CIMAP1D: variants seen among roughly 807,000 people sequenced by gnomAD.
CIMAP1D encodes the protein CIMAP1 family member D, also known as protein CIMAP1D.
the CIMAP1D span, among the ~76,000 whole-genome samples, chr19:479,217 T>C: frequency 6.6e-6 from 1 of 152,160 alleles, no homozygotes; most frequent in Non-Finnish European, 1.5e-5. Context: ...AAATGTTTCC[T>C]ACGATTAGGC....
chr19:469,417 C>T, the CIMAP1D span, among the ~76,000 whole-genome samples: 20,104 of 152,092 alleles, frequency 0.13, 3,057 homozygotes, highest in African/African-American at 0.37. Context: ...TGGCTGGGTG[C>T]GGTGGCTCAC....
At chr19:481,788 T>C in the CIMAP1D span, among the ~76,000 whole-genome samples, 1,435 of 150,978 alleles carry the variant, frequency 9.5e-3, 25 homozygotes, top group African/African-American at 0.033. Context: ...TTTTTTTTTT[T>C]TTTGAGACAA....
the CIMAP1D span, among the ~76,000 whole-genome samples, chr19:486,895 C>CA: frequency 6.6e-6 from 1 of 151,906 alleles, no homozygotes; most frequent in Admixed American, 6.6e-5. Flanking sequence ...GCCTGGGCGA[C>CA]AGAGCAAGAC....
the CIMAP1D span, among the ~76,000 whole-genome samples, chr19:491,453 C>G: frequency 6.6e-6 from 1 of 152,150 alleles, no homozygotes; most frequent in African/African-American, 2.4e-5. Flanking sequence ...TCGGGAGAGG[C>G]CTGTGCGGCT....
the CIMAP1D span, chr19:472,320 G>C: frequency 1.2e-6 from 1 of 866,344 alleles, no homozygotes; most frequent in Non-Finnish European, 1.7e-6. Context: ...TAAGGGGTAA[G>C]GAGACCCATC....
chr19:486,466 A>G, the CIMAP1D span, among the ~76,000 whole-genome samples: 9 of 151,894 alleles, frequency 5.9e-5, no homozygotes, highest in East Asian at 1.8e-3. Flanking sequence ...TCTGAGATGG[A>G]GTCTTGCTCT....
chr19:477,496 C>T, the CIMAP1D span, among the ~76,000 whole-genome samples: 10 of 149,558 alleles, frequency 6.7e-5, no homozygotes, highest in Admixed American at 5.9e-4. Context: ...CTCGCTTGAA[C>T]CCGCTTGAAC....
chr19:484,139 C>CTTT, the CIMAP1D span, among the ~76,000 whole-genome samples: 38 of 129,442 alleles, frequency 2.9e-4, no homozygotes, highest in African/African-American at 5.7e-4. Flanking sequence ...TTTTCTTTTT[C>CTTT]TTTTTTTTTT....
At chr19:474,632 G>T in the CIMAP1D span, 1 of 1,565,580 alleles carries the variant, frequency 6.4e-7, no homozygotes, top group Non-Finnish European at 8.7e-7. Flanking sequence ...GTTCTCCAGG[G>T]TGGCCGTCCC....
chr19:472,395 C>T, the CIMAP1D span: 5 of 1,531,246 alleles, frequency 3.3e-6, no homozygotes, highest in Middle Eastern at 1.7e-4. Context: ...CCGCCTTACC[C>T]TCACTGGGCC....
At chr19:479,333 T>G in the CIMAP1D span, among the ~76,000 whole-genome samples, 13 of 148,696 alleles carry the variant, frequency 8.7e-5, no homozygotes, top group East Asian at 4.1e-4. Flanking sequence ...TACTAAGGGC[T>G]GTAGAAGCTC....
chr19:468,447 A>G, the CIMAP1D span, among the ~76,000 whole-genome samples: 1 of 152,232 alleles, frequency 6.6e-6, no homozygotes, highest in Admixed American at 6.5e-5. Flanking sequence ...GGCAGGTCGC[A>G]TGCTTAAGAG....
the CIMAP1D span, chr19:489,762 T>G: frequency 2.9e-6 from 1 of 344,544 alleles, no homozygotes; most frequent in Non-Finnish European, 5.2e-6. Flanking sequence ...TCCCAACCCG[T>G]TAGGAACTGC....
chr19:481,412 GGAAGGATGATGGA>G, the CIMAP1D span, among the ~76,000 whole-genome samples: 2 of 92,308 alleles, frequency 2.2e-5, no homozygotes, highest in Non-Finnish European at 3.9e-5. Context: ...AAGGATGATG[GGAAGGATGATGGA>G]GAAGGATGAT....
chr19:483,655 G>C, the CIMAP1D span, among the ~76,000 whole-genome samples: 21 of 152,326 alleles, frequency 1.4e-4, no homozygotes, highest in East Asian at 4.1e-3. Flanking sequence ...TAGGCACCCT[G>C]CAGTGGCCGG....
the CIMAP1D span, among the ~76,000 whole-genome samples, chr19:488,493 G>A: frequency 2.6e-5 from 4 of 152,262 alleles, no homozygotes; most frequent in Non-Finnish European, 4.4e-5. Context: ...CTGCACTCCA[G>A]CCTGGGCGAC....
the CIMAP1D span, among the ~76,000 whole-genome samples, chr19:468,387 A>G: frequency 2.6e-5 from 4 of 151,994 alleles, no homozygotes; most frequent in Non-Finnish European, 5.9e-5. Context: ...AAAACTGCAC[A>G]TAAAGAGTGA....
chr19:481,316 G>A, the CIMAP1D span, among the ~76,000 whole-genome samples: 1 of 126,312 alleles, frequency 7.9e-6, no homozygotes, highest in African/African-American at 2.9e-5. Flanking sequence ...GATGGAGAAC[G>A]ATGATGGAGA....
chr19:467,535 A>G, the CIMAP1D span: 1 of 790,708 alleles, frequency 1.3e-6, no homozygotes, highest in South Asian at 1.4e-5. Flanking sequence ...ATCACTCCAA[A>G]GACTCTGCAT....
Sources: allele counts gnomAD v4.1 joint callset (sites outside exome capture counted in the v4.1 genomes callset), GRCh38; gene constraint gnomAD v4.1.1; transcripts MANE v1.5; gene names NCBI Gene and HGNC (gene_info 2026-07-23, HGNC 2026-07-21).